TMEM101: variants seen among roughly 807,000 people sequenced by gnomAD.
TMEM101 encodes putative NF-kappa-B-activating protein 130.
TMEM101 carries 14 observed loss-of-function variants against 26.0 expected under a neutral mutation model. The observed-to-expected ratio is 0.54, with a 90% confidence interval of 0.36 to 0.84. TMEM101 has a LOEUF of 0.84. Among genes scored for constraint, TMEM101 ranks in the 40% least tolerant of loss-of-function variants. TMEM101 has a pLI of 0.01. For synonymous variants in TMEM101, 152 were observed against 145.1 expected (o/e 1.05, Z -0.34); for missense variants, 292 against 345.1 (o/e 0.85, Z 1.22).
chr17:44,011,838 CATAA>C lies in TMEM101; in HGVS notation c.*86_*89del, dbSNP rs112382135. The C allele has an allele frequency of 2.3e-5, 31 of 1,337,834 alleles. 1 individual carries two copies. The highest frequency in any genetic ancestry group is 2.0e-4 in the African/African-American group (14 of 68,334). The allele number at this position is 1,337,834 out of a possible 1,614,324, so 82.9% of individuals were successfully genotyped here. A position where few individuals can be genotyped will look rare whatever the true frequency, so the allele number is the denominator to read the frequency against. ...AAGATCAAACAAACAGACCAAAAAGCATAAATAAACAGCAGCTGGGCCAGCAAGG... is the reference window on the plus strand; with the variant it reads ...AAGATCAAACAAACAGACCAAAAAGCATAAACAGCAGCTGGGCCAGCAAGG... On this transcript the variant is annotated 3_prime_UTR_variant, in exon 4 of 4. Coordinates refer to ENST00000206380, the MANE Select transcript of TMEM101 (RefSeq NM_032376.4).
At chr17:44,018,745 G>T (rs1325311048), upstream of TMEM101, among the ~76,000 whole-genome samples, 1 of 152,154 alleles carries the variant, frequency 6.6e-6, no homozygotes, top group South Asian at 2.1e-4. Flanking sequence ...TTCCAATCAA[G>T]TCTCCAGCAG....
upstream of TMEM101, among the ~76,000 whole-genome samples, chr17:44,016,125 GCACA>G (rs34740275): frequency 2.2e-4 from 33 of 148,024 alleles, no homozygotes; most frequent in South Asian, 1.5e-3. Flanking sequence ...AGATACACAC[GCACA>G]CACACACACA....
upstream of TMEM101, among the ~76,000 whole-genome samples, chr17:44,017,378 G>T (rs543252058): frequency 6.6e-6 from 1 of 151,534 alleles, no homozygotes; most frequent in Non-Finnish European, 1.5e-5. Context: ...GGATCACGAG[G>T]TCAGGAGATC....
At chr17:44,022,783 G>A (rs796200477) in intron 1 of TMEM101, among the ~76,000 whole-genome samples, 6 of 152,120 alleles carry the variant, frequency 3.9e-5, no homozygotes, top group South Asian at 2.1e-4. Flanking sequence ...CCTTGCAGCC[G>A]AAAAATGGCA....
At chr17:44,017,819 T>A (rs987058242), upstream of TMEM101, among the ~76,000 whole-genome samples, 1 of 151,686 alleles carries the variant, frequency 6.6e-6, no homozygotes, top group African/African-American at 2.4e-5. Context: ...TAAAACCCCT[T>A]TTCACATTTC....
chr17:44,013,932 C>T (rs1182318389), intron 2 of TMEM101, among the ~76,000 whole-genome samples: 1 of 152,198 alleles, frequency 6.6e-6, no homozygotes, highest in Non-Finnish European at 1.5e-5. Context: ...GGGCCTGGCA[C>T]AGGTTCTGGC....
Position 44,012,231 on chromosome 17 carries a change from G to A in TMEM101, c.471C>T (p.Tyr157=). The change falls in exon 4 of 4, where the codon TAC becomes TAT. Residue 157 remains tyrosine (Y), a synonymous_variant. Coordinates refer to ENST00000206380, the MANE Select transcript of TMEM101 (RefSeq NM_032376.4). The part of the protein sequence containing the change: ...FLGIYLICVA[Y]SLQHSKEDRL... ...GGTCCTCCTTGCTGTGCTGCAGTGA[G>A]TAGGCCTGGAGACATAACATCCTCT... 6.2e-7 allele frequency: 1 copy of A among 1,611,414 alleles called. No homozygotes were observed. Among genetic ancestry groups the A allele is most frequent in the South Asian group, 1.1e-5 (1 of 90,766 alleles).
chr17:44,013,296 T>A, intron 2 of TMEM101, 141 bp from the exon 3 acceptor site: 1 of 753,040 alleles, frequency 1.3e-6, no homozygotes, highest in South Asian at 4.3e-5. Flanking sequence ...GGTGGGCAGG[T>A]GCAACAGAGA....
chr17:44,015,026 C>T (rs2049214101), upstream of TMEM101: 13 of 1,508,972 alleles, frequency 8.6e-6, no homozygotes, highest in Admixed American at 2.8e-4. Context: ...ACGCAGCTTC[C>T]GGGTCAAGCG....
At chr17:44,012,260 A>G (rs1408128589) in intron 3 of TMEM101, 24 bp from the exon 4 acceptor site, 1 of 1,583,414 alleles carries the variant, frequency 6.3e-7, no homozygotes, top group Admixed American at 1.7e-5. Context: ...ATCCTCTAAG[A>G]CTCTCCAACA....
upstream of TMEM101, chr17:44,019,488 G>T (rs77723606): frequency 2.3e-5 from 4 of 176,000 alleles, no homozygotes; most frequent in Non-Finnish European, 4.8e-5. Flanking sequence ...GGCCCTTCAT[G>T]ACCAGGCTCA....
intron 2 of TMEM101, among the ~76,000 whole-genome samples, chr17:44,020,089 A>G (rs1029860200): frequency 8.5e-5 from 13 of 152,192 alleles, no homozygotes; most frequent in African/African-American, 2.7e-4. Context: ...GCAGGATTGT[A>G]CCGGTGGCAG....
In TMEM101 at chr17:44,014,437, G is replaced by A. The variant is rs781383656; in HGVS notation, c.238C>T (p.Leu80=). 6.4e-6 allele frequency: 10 copies of A among 1,557,554 alleles called. No homozygotes were observed. In the Admixed American group the frequency reaches 1.8e-4, roughly 27 times the overall value. Reference sequence around the variant, plus strand: ...ATGGCCAATTGGAGTGCGGCCCCCAGCGCGAACCAGCGCCGCTTCACGCCA... The same window carrying A: ...ATGGCCAATTGGAGTGCGGCCCCCAACGCGAACCAGCGCCGCTTCACGCCA... ...SFGVKRRWFA[L]GAALQLAIST... Residue 80 remains leucine, a synonymous_variant, in exon 2 of 4, where the codon CTG becomes TTG. Transcript: ENST00000206380.
At chr17:44,017,601 A>AC (rs1219438420), upstream of TMEM101, among the ~76,000 whole-genome samples, 3 of 150,162 alleles carry the variant, frequency 2.0e-5, no homozygotes, top group African/African-American at 7.3e-5. Context: ...CTCAAAAAAA[A>AC]AAAAAAAAAA....
chr17:44,014,238 C>T, intron 2 of TMEM101, 119 bp downstream of exon 2: 4 of 1,264,844 alleles, frequency 3.2e-6, no homozygotes, highest in South Asian at 1.5e-5. Flanking sequence ...GTTCGAACCT[C>T]CCAGGCTTCA....
upstream of TMEM101, among the ~76,000 whole-genome samples, chr17:44,018,916 A>C (rs2049259237): frequency 6.6e-6 from 1 of 152,246 alleles, no homozygotes. Flanking sequence ...CCTGGGGCCA[A>C]ATCCTCATTT....
chr17:44,014,499 A>G lies in TMEM101; in HGVS notation c.176T>C (p.Met59Thr), dbSNP rs760240093. The G allele has an allele frequency of 5.1e-6, 8 of 1,570,620 alleles. 1 individual carries two copies. In the South Asian group the frequency reaches 9.3e-5, roughly 18 times the overall value. ...ACTAGCGCACAGCACGGCTGCCCCCATGTCGAAATACAGGTAAGGCACTGG... is the reference window on the plus strand; with the variant it reads ...ACTAGCGCACAGCACGGCTGCCCCCGTGTCGAAATACAGGTAAGGCACTGG... The part of the protein sequence containing the change: ...DIPVPYLYFD[M>T]GAAVLCASFM... The change falls in exon 2 of 4, where the codon ATG (methionine) becomes ACG (threonine). Residue 59 changes from methionine to threonine, a missense_variant. Physicochemically the swap from Met to Thr is moderately conservative, Grantham distance 81. Coordinates refer to ENST00000206380, the MANE Select transcript of TMEM101 (RefSeq NM_032376.4).
intron 1 of TMEM101, among the ~76,000 whole-genome samples, chr17:44,021,860 C>A (rs1457683525): frequency 6.6e-6 from 1 of 152,230 alleles, no homozygotes; most frequent in Non-Finnish European, 1.5e-5. Flanking sequence ...CGGCCTCTGG[C>A]AGCTTCCAGG....
chr17:44,016,193 G>C (rs1356188210), upstream of TMEM101, among the ~76,000 whole-genome samples: 1 of 151,344 alleles, frequency 6.6e-6, no homozygotes, highest in African/African-American at 2.4e-5. Context: ...TTATTTTTGA[G>C]ACAGGGTCTC....
Sources: gnomAD v4.1 joint callset for allele counts (sites outside exome capture counted in the v4.1 genomes callset) on GRCh38, gnomAD v4.1.1 for gene constraint, MANE v1.5 for transcripts, NCBI Gene and HGNC (gene_info 2026-07-23, HGNC 2026-07-21) for gene names.